Variants in SAMD12 observed in about 807,000 individuals in gnomAD.
SAMD12 encodes sterile alpha motif domain-containing protein 12.
In SAMD12, 9 loss-of-function variants were observed where a neutral mutation model predicts 15.0. The ratio of observed to expected loss-of-function variants is 0.60; its 90% CI spans 0.36 to 1.05. The LOEUF (loss-of-function observed/expected upper bound fraction) is 1.05. Ranked by LOEUF, SAMD12 falls within the 50% of genes least tolerant of loss-of-function variation. The probability of loss-of-function intolerance (pLI) is 0.01; values close to 1 mark genes in which losing one functional copy is unlikely to be tolerated. For missense variants in SAMD12, 230 were observed against 234.2 expected (o/e 0.98, Z 0.12); for synonymous variants, 86 against 90.1 (o/e 0.96, Z 0.25).
intron 2 of SAMD12, among the ~76,000 whole-genome samples, chr8:118,462,693 T>C (rs1360344040): frequency 3.3e-5 from 5 of 151,898 alleles, no homozygotes; most frequent in Non-Finnish European, 5.9e-5. Flanking sequence ...GGATGAGAAA[T>C]GAGGACCATT....
intron 4 of SAMD12, among the ~76,000 whole-genome samples, chr8:118,222,443 C>A (rs1289788024): frequency 6.6e-6 from 1 of 151,932 alleles, no homozygotes; most frequent in East Asian, 1.9e-4. Flanking sequence ...AGAATCTCTG[C>A]CATAATTACC....
chr8:118,222,733 G>A (rs886618450), intron 4 of SAMD12, among the ~76,000 whole-genome samples: 2 of 152,068 alleles, frequency 1.3e-5, no homozygotes, highest in Non-Finnish European at 2.9e-5. Context: ...TCAAACTCCT[G>A]ACCTCAAGTG....
At chr8:118,486,185 C>T (rs10282989) in intron 2 of SAMD12, among the ~76,000 whole-genome samples, 9,446 of 152,038 alleles carry the variant, frequency 0.062, 395 homozygotes, top group South Asian at 0.19. Flanking sequence ...GAGGCCAAGG[C>T]GGGCAGATCA....
intron 2 of SAMD12, among the ~76,000 whole-genome samples, chr8:118,522,443 C>A (rs1385997558): frequency 6.6e-6 from 1 of 152,106 alleles, no homozygotes; most frequent in Non-Finnish European, 1.5e-5. Context: ...TGAGTGCCCA[C>A]ACAGAAAGAC....
chr8:118,332,084 G>T (rs184283738), intron 4 of SAMD12, among the ~76,000 whole-genome samples: 3 of 151,932 alleles, frequency 2.0e-5, no homozygotes, highest in Admixed American at 2.0e-4. Context: ...AGCAAAACTA[G>T]CTCCCCCTTC....
chr8:118,313,942 C>T (rs1487995205), intron 4 of SAMD12, among the ~76,000 whole-genome samples: 2 of 151,434 alleles, frequency 1.3e-5, no homozygotes, highest in Non-Finnish European at 2.9e-5. Context: ...GGATCTCATG[C>T]TGATGAATAA....
At chr8:118,332,894 G>A (rs10095830) in intron 4 of SAMD12, among the ~76,000 whole-genome samples, 2,447 of 152,126 alleles carry the variant, frequency 0.016, 31 homozygotes, top group South Asian at 0.04. Context: ...CTTGACCTCC[G>A]AACCTCTCCC....
the SAMD12 span, among the ~76,000 whole-genome samples, chr8:118,172,659 T>G: frequency 6.6e-6 from 1 of 152,220 alleles, no homozygotes; most frequent in African/African-American, 2.4e-5. Context: ...CTTGATGAGC[T>G]TGAACATGCA....
rs1819505216 is a variant in SAMD12, at chr8:118,378,607, T to G, written c.*810A>C. 2 of 985,306 alleles carry G rather than the reference T, an allele frequency of 2.0e-6. No homozygotes were observed. Among genetic ancestry groups the G allele is most frequent in the African/African-American group, 3.5e-5 (2 of 57,356 alleles). 61.0% of individuals were successfully genotyped at this position (985,306 alleles called of 1,614,324 possible). A position where few individuals can be genotyped will look rare whatever the true frequency, so the allele number is the denominator to read the frequency against. Reference sequence around the variant, plus strand: ...ACATGAAACTTGGCTGACCCAGATTTCTCCAATATCGGTATGCATGCAATT... The same window carrying G: ...ACATGAAACTTGGCTGACCCAGATTGCTCCAATATCGGTATGCATGCAATT... On this transcript the variant is annotated 3_prime_UTR_variant, in exon 4 of 4. Coordinates refer to ENST00000314727, the MANE Select transcript of SAMD12 (RefSeq NM_207506.3).
At chr8:118,321,124 CAT>C (rs1408464841) in intron 4 of SAMD12, among the ~76,000 whole-genome samples, 7 of 111,616 alleles carry the variant, frequency 6.3e-5, no homozygotes, top group African/African-American at 1.4e-4. Context: ...ATATATATAA[CAT>C]ATATATCATA....
chr8:118,486,397 C>T (rs531318178), intron 2 of SAMD12, among the ~76,000 whole-genome samples: 28 of 145,412 alleles, frequency 1.9e-4, no homozygotes, highest in African/African-American at 7.3e-4. Context: ...GCCTGGGTGA[C>T]AGAGAGAGAA....
intron 4 of SAMD12, among the ~76,000 whole-genome samples, chr8:118,243,862 A>C (rs1194628647): frequency 6.6e-6 from 1 of 152,162 alleles, no homozygotes; most frequent in Admixed American, 6.6e-5. Context: ...TACCAAAAGA[A>C]AGAAATCTGC....
At chr8:118,597,449 A>G (rs1304262167) in intron 1 of SAMD12, among the ~76,000 whole-genome samples, 2 of 152,222 alleles carry the variant, frequency 1.3e-5, no homozygotes, top group East Asian at 1.9e-4. Context: ...CAGATGTTTG[A>G]ATTGATGGGC....
intron 1 of SAMD12, among the ~76,000 whole-genome samples, chr8:118,619,458 G>A (rs181227501): frequency 8.9e-5 from 11 of 123,028 alleles, no homozygotes; most frequent in East Asian, 2.3e-4. Flanking sequence ...TAGCCTGGGC[G>A]ACAGAGCAAG....
chr8:118,597,946 G>A (rs1408218239), intron 1 of SAMD12, among the ~76,000 whole-genome samples: 2 of 152,272 alleles, frequency 1.3e-5, no homozygotes, highest in Non-Finnish European at 2.9e-5. Flanking sequence ...TGGCTGGCAC[G>A]TGGGCAGCAT....
At chr8:118,205,569 C>T (rs79484831) in intron 4 of SAMD12, among the ~76,000 whole-genome samples, 1 of 152,178 alleles carries the variant, frequency 6.6e-6, no homozygotes, top group Admixed American at 6.5e-5. Flanking sequence ...ATATCAGGGG[C>T]CTGTTAATTC....
intron 1 of SAMD12, among the ~76,000 whole-genome samples, chr8:118,592,649 T>C (rs910716268): frequency 6.6e-6 from 1 of 152,194 alleles, no homozygotes. Flanking sequence ...TAATTATTAC[T>C]TCCTTTACTG....
chr8:118,550,742 TAA>T (rs1174723008), intron 2 of SAMD12, among the ~76,000 whole-genome samples: 4 of 151,486 alleles, frequency 2.6e-5, no homozygotes, highest in South Asian at 2.1e-4. Context: ...GCAAATTGGA[TAA>T]AGAGTCAAGA....
At chr8:118,390,575 G>A (rs897622990) in intron 3 of SAMD12, among the ~76,000 whole-genome samples, 1 of 152,086 alleles carries the variant, frequency 6.6e-6, no homozygotes, top group Non-Finnish European at 1.5e-5. Context: ...AGGTGACTAC[G>A]AATCACCCAA....
Sources: gnomAD v4.1 joint callset for allele counts (sites outside exome capture counted in the v4.1 genomes callset) on GRCh38, gnomAD v4.1.1 for gene constraint, MANE v1.5 for transcripts, NCBI Gene and HGNC (gene_info 2026-07-23, HGNC 2026-07-21) for gene names.